Variants in SGK1 observed in about 807,000 individuals in gnomAD.
SGK1 encodes serine/threonine-protein kinase Sgk1.
SGK1 carries 26 observed loss-of-function variants against 64.2 expected under a neutral mutation model. The ratio of observed to expected loss-of-function variants is 0.40; its 90% CI spans 0.30 to 0.56. The LOEUF is 0.56. Ranked by LOEUF, SGK1 falls within the 20% of genes least tolerant of loss-of-function variation. The pLI, the probability that SGK1 is intolerant of heterozygous loss-of-function variation, is 0.38. For synonymous variants in SGK1, 265 were observed against 239.7 expected, an observed-to-expected ratio of 1.11 and a Z score of -0.98; for missense variants, 519 against 645.6, an observed-to-expected ratio of 0.80 and a Z score of 2.12.
At chr6:134,171,820 A>T (rs1775036471) in intron 10 of SGK1, 88 bp from the exon 11 acceptor site, 1 of 824,870 alleles carries the variant, frequency 1.2e-6, no homozygotes, top group Non-Finnish European at 2.0e-6. Flanking sequence ...AAGCTGAGAG[A>T]CCCAGAGCCA....
chr6:134,206,337 T>TGATA (rs1775768346), intron 3 of SGK1, among the ~76,000 whole-genome samples: 3 of 111,458 alleles, frequency 2.7e-5, no homozygotes, highest in African/African-American at 1.1e-4. Flanking sequence ...CTGTACCTGA[T>TGATA]GATATATATA....
chr6:134,177,493 C>G (rs1381051242), intron 3 of SGK1, among the ~76,000 whole-genome samples: 1 of 152,164 alleles, frequency 6.6e-6, no homozygotes, highest in Non-Finnish European at 1.5e-5. Flanking sequence ...CTCAGGCTGC[C>G]CAGAAACATC....
At chr6:134,196,792 A>T (rs548936100) in intron 3 of SGK1, among the ~76,000 whole-genome samples, 2 of 152,234 alleles carry the variant, frequency 1.3e-5, no homozygotes, top group Non-Finnish European at 2.9e-5. Flanking sequence ...TGACAGAGTG[A>T]GTGGGTCTCT....
At chr6:134,237,247 G>A (rs928007475) in intron 2 of SGK1, among the ~76,000 whole-genome samples, 5 of 151,710 alleles carry the variant, frequency 3.3e-5, no homozygotes, top group African/African-American at 1.2e-4. Flanking sequence ...GGTAGAGACA[G>A]GATTTCACCA....
intron 3 of SGK1, among the ~76,000 whole-genome samples, chr6:134,183,776 A>G (rs553997829): frequency 6.6e-6 from 1 of 152,056 alleles, no homozygotes; most frequent in African/African-American, 2.4e-5. Context: ...GGAGGCCCAG[A>G]ACTACTCTCC....
At chr6:134,177,221 CAAACAAACAAAAACAAAACAA>C (rs1172446954) in intron 3 of SGK1, among the ~76,000 whole-genome samples, 2 of 116,898 alleles carry the variant, frequency 1.7e-5, no homozygotes, top group African/African-American at 7.3e-5. Flanking sequence ...TCAAAACAAA[CAAACAAACAAAAACAAAACAA>C]AAACAAAAAC....
intron 13 of SGK1, 62 bp downstream of exon 13, chr6:134,170,763 AT>A: frequency 9.2e-7 from 1 of 1,089,858 alleles, no homozygotes; most frequent in Non-Finnish European, 1.4e-6. Context: ...CCCCCAGACA[AT>A]TCTGAATTAA....
At chr6:134,174,760 C>T (rs765862379) in intron 3 of SGK1, 174 bp from the exon 4 acceptor site, 22 of 1,614,220 alleles carry the variant, frequency 1.4e-5, no homozygotes, top group Non-Finnish European at 1.9e-5. Flanking sequence ...TGCCCCTCAT[C>T]CTGGAGTAAG....
intron 1 of SGK1, among the ~76,000 whole-genome samples, chr6:134,315,644 C>A (rs920184553): frequency 2.0e-5 from 3 of 152,282 alleles, no homozygotes; most frequent in Admixed American, 1.3e-4. Flanking sequence ...TTTAGAATAT[C>A]CCCAATACCA....
At chr6:134,303,816 A>C (rs561955048) in intron 1 of SGK1, among the ~76,000 whole-genome samples, 3 of 152,120 alleles carry the variant, frequency 2.0e-5, no homozygotes, top group Admixed American at 1.3e-4. Context: ...AAAGAAAAGA[A>C]AGAAACTTTG....
chr6:134,174,938 G>GGCCCCGCCCTTC (rs1562239955), intron 3 of SGK1: 1 of 1,483,888 alleles, frequency 6.7e-7, no homozygotes, highest in Non-Finnish European at 8.9e-7. Context: ...AGTGAGAAGT[G>GGCCCCGCCCTTC]GCCCCGCCCT....
At position 134,237,327 on chromosome 6, in the gene SGK1, G is replaced by A. The variant is rs530916374; in HGVS notation, c.285+24606C>T. Among the ~76,000 whole-genome samples, 581 of 151,838 alleles carry A rather than the reference G, an allele frequency of 3.8e-3. 3 individuals carry two copies. Among genetic ancestry groups the A allele is most frequent in the African/African-American group, 0.012 (508 of 41,462 alleles). ...CCACTCTGGCCTCCCAACGTGCTAA[G>A]ATTACAGTCATGAGCCACTGTGCCT... is the stretch of plus-strand genomic sequence containing the variant. On this transcript the variant is annotated intron_variant, in intron 2 of 13. Transcript: ENST00000367858.
At chr6:134,206,339 A>T (rs12206481) in intron 3 of SGK1, among the ~76,000 whole-genome samples, 165 of 16,214 alleles carry the variant, frequency 0.01, 21 homozygotes, top group Non-Finnish European at 0.011. Flanking sequence ...GTACCTGATG[A>T]TATATATATA....
At chr6:134,287,951 A>G (rs1023571182) in intron 1 of SGK1, among the ~76,000 whole-genome samples, 8 of 152,082 alleles carry the variant, frequency 5.3e-5, no homozygotes, top group Admixed American at 2.0e-4. Flanking sequence ...CATGTTTGTT[A>G]TTTTGTCTTA....
At chr6:134,296,935 T>A in intron 1 of SGK1, 3 of 302,232 alleles carry the variant, frequency 9.9e-6, no homozygotes, top group South Asian at 7.9e-5. Context: ...CACAGGGGCC[T>A]CCCTCCTGGG....
At chr6:134,267,188 C>A (rs1307877743) in intron 1 of SGK1, among the ~76,000 whole-genome samples, 12 of 151,592 alleles carry the variant, frequency 7.9e-5, no homozygotes, top group African/African-American at 2.4e-4. Context: ...TTTAAATATT[C>A]TTTTTTCATG....
chr6:134,273,083 T>A (rs1264694753), intron 1 of SGK1, among the ~76,000 whole-genome samples: 1 of 148,104 alleles, frequency 6.8e-6, no homozygotes, highest in Non-Finnish European at 1.5e-5. Context: ...TCTGCCCTTG[T>A]AAAATGGAGA....
At position 134,172,275 on chromosome 6, in the gene SGK1, T is replaced by C. The variant is rs1775054301; in HGVS notation, c.989A>G (p.His330Arg). The C allele has an allele frequency of 6.2e-7, 1 of 1,613,762 alleles. No homozygotes were observed. The highest frequency in any genetic ancestry group is 8.5e-7 in the Non-Finnish European group (1 of 1,179,792). The change falls in exon 10 of 14, where the codon CAC (histidine) becomes CGC (arginine). Residue 330 changes from histidine to arginine, a missense_variant. By Grantham distance (29) the His-to-Arg change is conservative. Around this residue, in one of 2 missense-constraint regions of SGK1, gnomAD observed 278 missense variants for 408.7 expected, o/e 0.68. Transcript: ENST00000367858. ...GAGTCCGAAGTCAGTAAGGACAATG[T>C]GTCCCTGTGAATCTAGCAAAATATT... ...PENILLDSQGHIVLTDFGLCK... is the reference protein window; with the variant it reads ...PENILLDSQGRIVLTDFGLCK...
At chr6:134,222,542 G>A (rs749382692) in intron 2 of SGK1, among the ~76,000 whole-genome samples, 1 of 151,794 alleles carries the variant, frequency 6.6e-6, no homozygotes, top group African/African-American at 2.4e-5. Context: ...CCTCATGTTG[G>A]CCAGGTTAGT....
Sources: gnomAD v4.1 joint callset for allele counts (sites outside exome capture counted in the v4.1 genomes callset) on GRCh38, gnomAD v4.1.1 for gene constraint, gnomAD v4.1.1 regional missense constraint, MANE v1.5 for transcripts, NCBI Gene and HGNC (gene_info 2026-07-23, HGNC 2026-07-21) for gene names.